Variants in LRP1B observed in about 807,000 individuals in gnomAD.
LRP1B encodes the protein LDL receptor related protein 1B.
Under a neutral mutation model 556.6 loss-of-function variants are expected in LRP1B, and 217 were observed. The ratio of observed to expected loss-of-function variants is 0.39; its 90% CI spans 0.35 to 0.44. The LOEUF (loss-of-function observed/expected upper bound fraction) is 0.44. Among genes scored for constraint, LRP1B ranks in the 20% least tolerant of loss-of-function variants. The pLI is 1.00. For synonymous variants in LRP1B, 2,047 were observed against 1,865.8 expected (o/e 1.10, Z -2.50); for missense variants, 5,053 against 5,620.8 (o/e 0.90, Z 3.23).
At chr2:140,737,180 TA>T (rs2105513348) in intron 35 of LRP1B, among the ~76,000 whole-genome samples, 1 of 152,180 alleles carries the variant, frequency 6.6e-6, no homozygotes, top group East Asian at 1.9e-4. Context: ...AATGAAGAAG[TA>T]GCCAAGGCCC....
At chr2:140,504,322 CTT>C (rs563504326) in intron 53 of LRP1B, among the ~76,000 whole-genome samples, 78 of 152,264 alleles carry the variant, frequency 5.1e-4, no homozygotes, top group African/African-American at 1.8e-3. Flanking sequence ...AGTTTCCTGA[CTT>C]AATAATATTC....
intron 3 of LRP1B, among the ~76,000 whole-genome samples, chr2:141,291,725 G>A (rs552943832): frequency 9.9e-5 from 15 of 151,642 alleles, no homozygotes; most frequent in South Asian, 8.3e-4. Flanking sequence ...GAGTGGTGGC[G>A]GGCACCTGTA....
chr2:142,021,051 A>G (rs1703313108), intron 1 of LRP1B, among the ~76,000 whole-genome samples: 1 of 152,230 alleles, frequency 6.6e-6, no homozygotes, highest in Admixed American at 6.5e-5. Context: ...TGATAATATT[A>G]TAATGCTAGC....
chr2:141,924,059 C>A lies in LRP1B; in HGVS notation c.83-113658G>T, dbSNP rs547544069. 2.7e-3 allele frequency among the ~76,000 whole-genome samples: 413 copies of A among 152,122 alleles called. 3 individuals are homozygous for A. Among genetic ancestry groups the A allele is most frequent in the Middle Eastern group, 0.017 (5 of 294 alleles). On this transcript the variant is annotated intron_variant, in intron 1 of 90. Coordinates refer to ENST00000389484, the MANE Select transcript of LRP1B (RefSeq NM_018557.3). ...CTCCAATCTCAAGTCTGGAGGCCTGCAGCCCTAAGTGGGAACAGGCATTTC... is the reference window on the plus strand; with the variant it reads ...CTCCAATCTCAAGTCTGGAGGCCTGAAGCCCTAAGTGGGAACAGGCATTTC...
chr2:141,107,069 T>A, intron 7 of LRP1B, among the ~76,000 whole-genome samples: 1 of 152,156 alleles, frequency 6.6e-6, no homozygotes, highest in East Asian at 1.9e-4. Flanking sequence ...TTTTAAATTG[T>A]ATTCAATCAC....
intron 7 of LRP1B, among the ~76,000 whole-genome samples, chr2:141,165,743 A>G (rs1303090542): frequency 1.3e-5 from 2 of 152,100 alleles, no homozygotes; most frequent in South Asian, 2.1e-4. Flanking sequence ...TTTTTAGTGT[A>G]TGAATATGTA....
intron 87 of LRP1B, among the ~76,000 whole-genome samples, chr2:140,243,622 T>C (rs913979927): frequency 2.0e-5 from 3 of 151,124 alleles, no homozygotes; most frequent in Admixed American, 6.6e-5. Context: ...ATGTTAAAAA[T>C]TGTAAAGAAA....
intron 2 of LRP1B, among the ~76,000 whole-genome samples, chr2:141,638,741 G>A (rs1224977062): frequency 1.8e-5 from 2 of 108,364 alleles, no homozygotes; most frequent in Non-Finnish European, 4.3e-5. Flanking sequence ...AAAGAAATAT[G>A]AGCCATATTT....
chr2:140,809,514 T>C (rs1184319628), intron 32 of LRP1B, among the ~76,000 whole-genome samples: 1 of 152,170 alleles, frequency 6.6e-6, no homozygotes, highest in African/African-American at 2.4e-5. Context: ...ATGTTAGAGC[T>C]ATTTGGTTTT....
At chr2:141,932,792 A>G (rs1221240063) in intron 1 of LRP1B, among the ~76,000 whole-genome samples, 3 of 151,986 alleles carry the variant, frequency 2.0e-5, no homozygotes, top group Non-Finnish European at 2.9e-5. Context: ...GAATATATCA[A>G]TCTTCTAAAA....
intron 1 of LRP1B, among the ~76,000 whole-genome samples, chr2:141,868,543 G>T (rs1001913210): frequency 6.6e-6 from 1 of 152,052 alleles, no homozygotes; most frequent in African/African-American, 2.4e-5. Context: ...TATTCACAAC[G>T]TTACAGAATA....
chr2:141,791,668 C>T (rs1311459786), intron 2 of LRP1B, among the ~76,000 whole-genome samples: 6 of 151,908 alleles, frequency 3.9e-5, no homozygotes, highest in South Asian at 2.1e-4. Context: ...GGGTGATTTT[C>T]GAAATGATTA....
At chr2:142,020,897 T>C (rs1390603087) in intron 1 of LRP1B, among the ~76,000 whole-genome samples, 1 of 152,196 alleles carries the variant, frequency 6.6e-6, no homozygotes, top group Admixed American at 6.5e-5. Context: ...TCTTGATTCT[T>C]GCTAGAAAAG....
intron 45 of LRP1B, among the ~76,000 whole-genome samples, chr2:140,540,753 T>C (rs1680103412): frequency 6.6e-6 from 1 of 151,986 alleles, no homozygotes; most frequent in Non-Finnish European, 1.5e-5. Context: ...AACAGGAGGG[T>C]AAAAACATTT....
chr2:140,346,881 A>G (rs1681715294), intron 77 of LRP1B, among the ~76,000 whole-genome samples: 2 of 152,024 alleles, frequency 1.3e-5, no homozygotes, highest in Non-Finnish European at 2.9e-5. Context: ...AGAAAAAGAT[A>G]TGATTATTAA....
intron 77 of LRP1B, among the ~76,000 whole-genome samples, chr2:140,343,590 A>G (rs977521668): frequency 2.6e-5 from 4 of 151,746 alleles, no homozygotes; most frequent in African/African-American, 9.7e-5. Flanking sequence ...TGACACGGTA[A>G]GGTCTCAAAA....
intron 2 of LRP1B, among the ~76,000 whole-genome samples, chr2:141,684,455 G>C (rs752577392): frequency 2.0e-5 from 3 of 151,972 alleles, no homozygotes; most frequent in East Asian, 1.9e-4. Context: ...GGCCTGCCGG[G>C]GGGTGGGGGA....
At chr2:141,166,059 A>G (rs1680239436) in intron 7 of LRP1B, among the ~76,000 whole-genome samples, 1 of 151,824 alleles carries the variant, frequency 6.6e-6, no homozygotes, top group Non-Finnish European at 1.5e-5. Flanking sequence ...TAATCTCCCC[A>G]TTTCCATTCC....
intron 7 of LRP1B, among the ~76,000 whole-genome samples, chr2:141,187,069 T>C (rs778891822): frequency 1.3e-5 from 2 of 152,084 alleles, no homozygotes; most frequent in Non-Finnish European, 2.9e-5. Flanking sequence ...AGAATGTTGT[T>C]AGTGCGTTTG....
Sources: allele counts gnomAD v4.1 joint callset (sites outside exome capture counted in the v4.1 genomes callset), GRCh38; gene constraint gnomAD v4.1.1; transcripts MANE v1.5; gene names NCBI Gene and HGNC (gene_info 2026-07-23, HGNC 2026-07-21).